The following HTR1E variants were observed in gnomAD, a reference collection of about 807,000 sequenced individuals.
The protein encoded by HTR1E is 5-hydroxytryptamine receptor 1E.
In HTR1E, 3 loss-of-function variants were observed where a neutral mutation model predicts 3.4. The observed-to-expected ratio is 0.89, with a 90% confidence interval of 0.41 to 2.31. HTR1E has a LOEUF of 2.31. Ranked by LOEUF, HTR1E falls within the 30% of genes most tolerant of loss-of-function variation. HTR1E has a pLI of 0.05. For synonymous variants in HTR1E, 170 were observed against 182.8 expected (o/e 0.93, Z 0.56); for missense variants, 392 against 467.0 (o/e 0.84, Z 1.48).
chr6:86,959,884 G>A (rs763505210), intron 1 of HTR1E, among the ~76,000 whole-genome samples: 6 of 152,212 alleles, frequency 3.9e-5, no homozygotes, highest in African/African-American at 9.6e-5. Flanking sequence ...AAGATAAGGC[G>A]TCTCTGAATC....
chr6:86,969,920 CGGG>C (rs1222545919), intron 1 of HTR1E, among the ~76,000 whole-genome samples: 3 of 152,148 alleles, frequency 2.0e-5, no homozygotes, highest in Non-Finnish European at 2.9e-5. Context: ...CTTACAACAA[CGGG>C]GGTCTACAGA....
At chr6:86,979,662 T>TGCATGCCTGGATCA (rs1281099559) in intron 1 of HTR1E, among the ~76,000 whole-genome samples, 2 of 152,100 alleles carry the variant, frequency 1.3e-5, no homozygotes, top group Non-Finnish European at 1.5e-5. Flanking sequence ...ACAAATTAGG[T>TGCATGCCTGGATCA]GCATGCCTGG....
intron 1 of HTR1E, among the ~76,000 whole-genome samples, chr6:86,940,116 T>C (rs1390534887): frequency 1.3e-5 from 2 of 152,110 alleles, no homozygotes; most frequent in Non-Finnish European, 2.9e-5. Context: ...GGGGTTATTA[T>C]TGAAGAGGGA....
chr6:86,972,857 A>C (rs1454995201), intron 1 of HTR1E, among the ~76,000 whole-genome samples: 1 of 152,160 alleles, frequency 6.6e-6, no homozygotes, highest in Admixed American at 6.5e-5. Context: ...AATCATAATG[A>C]GTTTCTGTAA....
chr6:86,967,378 T>A (rs1462496312), intron 1 of HTR1E, among the ~76,000 whole-genome samples: 1 of 152,226 alleles, frequency 6.6e-6, no homozygotes, highest in African/African-American at 2.4e-5. Flanking sequence ...CTTGTTTATA[T>A]AAATATCAAT....
At chr6:86,966,802 C>T (rs1456122898) in intron 1 of HTR1E, among the ~76,000 whole-genome samples, 1 of 152,124 alleles carries the variant, frequency 6.6e-6, no homozygotes, top group African/African-American at 2.4e-5. Context: ...CTTGAAGATA[C>T]AAATGTGCGT....
chr6:86,966,627 G>GGT (rs1348530519), intron 1 of HTR1E, among the ~76,000 whole-genome samples: 1 of 152,164 alleles, frequency 6.6e-6, no homozygotes, highest in Non-Finnish European at 1.5e-5. Flanking sequence ...TAAGTACAGG[G>GGT]GTGTGTAAGA....
chr6:86,978,326 T>C (rs116144654), intron 1 of HTR1E, among the ~76,000 whole-genome samples: 1,933 of 152,258 alleles, frequency 0.013, 40 homozygotes, highest in African/African-American at 0.043. Context: ...GCTACTGTTA[T>C]ATAGGTAGAG....
intron 1 of HTR1E, among the ~76,000 whole-genome samples, chr6:86,981,474 C>G (rs1016256028): frequency 2.2e-4 from 33 of 152,134 alleles, no homozygotes; most frequent in African/African-American, 7.7e-4. Context: ...CTCCACAAAG[C>G]TGTGAGAAAG....
rs1431172207 is a variant in HTR1E at position 86,976,858 on chromosome 6, C to T, written c.-185-38292C>T. Among the ~76,000 whole-genome samples the T allele has an allele frequency of 2.6e-5, 4 of 152,168 alleles. No individual in the cohort carries two copies. In the East Asian group the frequency reaches 7.7e-4, roughly 29 times the overall value. On this transcript the variant is annotated intron_variant, in intron 1 of 1. Coordinates refer to ENST00000305344, the MANE Select transcript of HTR1E (RefSeq NM_000865.3). ...TACTTTAATATGAAGTTATTCTCTT[C>T]GTATTCTTCATTATAGACCTAAGTT...
intron 1 of HTR1E, among the ~76,000 whole-genome samples, chr6:87,010,992 T>C (rs1326795796): frequency 6.6e-6 from 1 of 152,256 alleles, no homozygotes; most frequent in Non-Finnish European, 1.5e-5. Context: ...AAAGGTAGTT[T>C]AACATGTTTC....
chr6:86,997,055 A>G (rs1476552048), intron 1 of HTR1E, among the ~76,000 whole-genome samples: 1 of 152,036 alleles, frequency 6.6e-6, no homozygotes, highest in African/African-American at 2.4e-5. Context: ...GCAAGGCTGT[A>G]TAATCCACCA....
intron 1 of HTR1E, among the ~76,000 whole-genome samples, chr6:86,979,028 G>T (rs2127824928): frequency 6.6e-6 from 1 of 152,300 alleles, no homozygotes; most frequent in East Asian, 1.9e-4. Flanking sequence ...TTTAGTACCA[G>T]CTGCCATCAA....
intron 1 of HTR1E, among the ~76,000 whole-genome samples, chr6:86,952,365 G>A (rs1199490835): frequency 6.6e-6 from 1 of 152,066 alleles, no homozygotes; most frequent in Non-Finnish European, 1.5e-5. Flanking sequence ...ATCAACAATG[G>A]TGCAAACATA....
intron 1 of HTR1E, among the ~76,000 whole-genome samples, chr6:86,943,619 G>T (rs182182335): frequency 1.3e-3 from 199 of 152,242 alleles, no homozygotes; most frequent in Middle Eastern, 6.8e-3. Flanking sequence ...TACTACTAGG[G>T]GGTAACACAG....
intron 1 of HTR1E, among the ~76,000 whole-genome samples, chr6:86,966,952 C>A (rs1767479870): frequency 6.6e-6 from 1 of 152,044 alleles, no homozygotes; most frequent in Admixed American, 6.6e-5. Flanking sequence ...AGAGACAATA[C>A]AAGGCACATA....
At chr6:86,972,201 G>A (rs1048957737) in intron 1 of HTR1E, among the ~76,000 whole-genome samples, 1 of 152,026 alleles carries the variant, frequency 6.6e-6, no homozygotes, top group Non-Finnish European at 1.5e-5. Context: ...CACAAATAAT[G>A]GCTGAAACAT....
At chr6:86,953,945 G>A (rs1034054824) in intron 1 of HTR1E, among the ~76,000 whole-genome samples, 2 of 152,122 alleles carry the variant, frequency 1.3e-5, no homozygotes, top group African/African-American at 4.8e-5. Context: ...CAGATCTCGT[G>A]AGAACTCACT....
Position 86,999,122 on chromosome 6 carries a change from G to T in HTR1E, c.-185-16028G>T, listed in dbSNP as rs929805872. Among the ~76,000 whole-genome samples the T allele has an allele frequency of 2.0e-5, 3 of 152,026 alleles. No individual in the cohort carries two copies. In the East Asian group the frequency reaches 5.8e-4, roughly 29 times the overall value. On this transcript the variant is annotated intron_variant, in intron 1 of 1. Coordinates refer to ENST00000305344, the MANE Select transcript of HTR1E (RefSeq NM_000865.3). The stretch of plus-strand genomic sequence containing the variant: ...TTACAGGAACAGGCAACAACGCCAG[G>T]CTAATTTTTTTTATTTTTAAGTAGA...
Sources: allele counts gnomAD v4.1 joint callset (sites outside exome capture counted in the v4.1 genomes callset), GRCh38; gene constraint gnomAD v4.1.1; transcripts MANE v1.5; gene names NCBI Gene and HGNC (gene_info 2026-07-23, HGNC 2026-07-21).